Variants in PLEKHD1 observed in about 807,000 individuals in gnomAD.
PLEKHD1 encodes pleckstrin homology domain-containing family D member 1.
PLEKHD1 carries 51 observed loss-of-function variants against 69.2 expected under a neutral mutation model. The ratio of observed to expected loss-of-function variants is 0.74; its 90% CI spans 0.59 to 0.93. The LOEUF is 0.93. PLEKHD1 is among the 40% of genes least tolerant of loss of function. PLEKHD1 has a pLI of 0.00. For synonymous variants in PLEKHD1, 236 were observed against 244.7 expected, an observed-to-expected ratio of 0.96 and a Z score of 0.33; for missense variants, 584 against 641.0, an observed-to-expected ratio of 0.91 and a Z score of 0.96.
intron 6 of PLEKHD1, among the ~76,000 whole-genome samples, chr14:69,508,100 A>G (rs981282678): frequency 3.5e-4 from 53 of 152,204 alleles, no homozygotes; most frequent in Non-Finnish European, 2.5e-4. Flanking sequence ...CTTATATGCC[A>G]TCTTAAAATT....
In PLEKHD1 at chr14:69,501,785, C is replaced by T. The variant is rs972335455; in HGVS notation, c.462C>T (p.Ala154=). 3.2e-6 allele frequency: 5 copies of T among 1,551,500 alleles called. No individual in the cohort carries two copies. Among genetic ancestry groups the T allele is most frequent in the Non-Finnish European group, 4.4e-6 (5 of 1,146,878 alleles). ...LGEAMIKSLE[A]QGLQLAKEKQ... ...AAGCCATGATCAAAAGCCTGGAGGC[C>T]CAGGGGCTGCAGTTGGCTAAGGAAA... The change falls in exon 5 of 13, where the codon GCC becomes GCT. Residue 154 remains alanine, a synonymous_variant. Coordinates refer to ENST00000322564, the MANE Select transcript of PLEKHD1 (RefSeq NM_001161498.2).
the PLEKHD1 span, among the ~76,000 whole-genome samples, chr14:69,476,504 C>T: frequency 6.6e-6 from 1 of 151,936 alleles, no homozygotes; most frequent in Non-Finnish European, 1.5e-5. Flanking sequence ...GTTCCAGGCT[C>T]AGTGAACTAT....
the PLEKHD1 span, among the ~76,000 whole-genome samples, chr14:69,471,104 T>C: frequency 2.7e-5 from 3 of 109,322 alleles, no homozygotes; most frequent in African/African-American, 1.3e-4. Context: ...TTTTTTTTTT[T>C]TTTTTTTTTT....
chr14:69,509,348 T>A (rs1171715945), intron 6 of PLEKHD1, among the ~76,000 whole-genome samples: 1 of 152,224 alleles, frequency 6.6e-6, no homozygotes, highest in Non-Finnish European at 1.5e-5. Context: ...GGAATAAAAT[T>A]TTAATTTTAA....
chr14:69,501,835 AG>A lies in PLEKHD1; in HGVS notation c.502+14del. 1 of 1,547,346 alleles carries A rather than the reference AG, an allele frequency of 6.5e-7. No individual in the cohort carries two copies. Among genetic ancestry groups the A allele is most frequent in the Non-Finnish European group, 8.7e-7 (1 of 1,143,558 alleles). ...AAGCAGGAGTATTTAGGTTGGCTGG[AG>A]GGGTGGTTCCCTAATGGTAGCAGCA... On this transcript the variant is annotated intron_variant, in intron 5 of 12. Coordinates refer to ENST00000322564, the MANE Select transcript of PLEKHD1 (RefSeq NM_001161498.2).
At chr14:69,493,507 A>G (rs1882821918) in intron 1 of PLEKHD1, among the ~76,000 whole-genome samples, 1 of 152,228 alleles carries the variant, frequency 6.6e-6, no homozygotes, top group African/African-American at 2.4e-5. Flanking sequence ...GTTCACAACT[A>G]TCCTAGCTCC....
chr14:69,481,825 C>G (rs1882546408), upstream of PLEKHD1, among the ~76,000 whole-genome samples: 1 of 152,180 alleles, frequency 6.6e-6, no homozygotes, highest in South Asian at 2.1e-4. Flanking sequence ...AGTTTTCACC[C>G]CTGACTGGTC....
At position 69,485,148 on chromosome 14, in the gene PLEKHD1, G is replaced by C. The variant is rs766582652; in HGVS notation, c.149+34G>C. 41 of 1,538,034 alleles carry C rather than the reference G, an allele frequency of 2.7e-5. No homozygotes were observed. In the South Asian group the frequency reaches 2.7e-4, roughly 10 times the overall value. ...GCCCCCGCGCCCCAAGGAGACCGCC[G>C]GGGAGAGAGCCTGGGCGTCGTTACC... On this transcript the variant is annotated intron_variant, in intron 1 of 12. Transcript: ENST00000322564.
chr14:69,494,133 A>G (rs1346118617), intron 1 of PLEKHD1, among the ~76,000 whole-genome samples: 1 of 152,250 alleles, frequency 6.6e-6, no homozygotes, highest in Non-Finnish European at 1.5e-5. Context: ...TAATCATAAA[A>G]GTAATCATTT....
chr14:69,484,646 T>A, upstream of PLEKHD1: 1 of 248,006 alleles, frequency 4.0e-6, no homozygotes, highest in Non-Finnish European at 7.7e-6. Context: ...CCACCAGAAT[T>A]GGGGCTGTCG....
At chr14:69,498,057 A>ATTTTAT (rs1555337189) in intron 1 of PLEKHD1, among the ~76,000 whole-genome samples, 46 of 124,696 alleles carry the variant, frequency 3.7e-4, no homozygotes, top group East Asian at 1.3e-3. Flanking sequence ...ATTTTATTTT[A>ATTTTAT]TTTATTTTAT....
chr14:69,468,402 A>G, the PLEKHD1 span, among the ~76,000 whole-genome samples: 2 of 152,228 alleles, frequency 1.3e-5, no homozygotes, highest in African/African-American at 4.8e-5. Context: ...AGATAAATGA[A>G]TACAACTAGT....
At chr14:69,485,914 A>G (rs1882645891) in intron 1 of PLEKHD1, among the ~76,000 whole-genome samples, 1 of 152,128 alleles carries the variant, frequency 6.6e-6, no homozygotes, top group South Asian at 2.1e-4. Context: ...ATCGGTAGCC[A>G]CTCTCCACTT....
the PLEKHD1 span, among the ~76,000 whole-genome samples, chr14:69,471,502 G>A: frequency 6.6e-6 from 1 of 152,150 alleles, no homozygotes; most frequent in Non-Finnish European, 1.5e-5. Context: ...TAACTACACT[G>A]TAGAGGTCAC....
chr14:69,483,572 T>C (rs1453191158), upstream of PLEKHD1, among the ~76,000 whole-genome samples: 1 of 152,226 alleles, frequency 6.6e-6, no homozygotes, highest in African/African-American at 2.4e-5. Flanking sequence ...TTATATACCT[T>C]CATCAAAGAA....
At chr14:69,503,671 A>C (rs1443009265) in intron 6 of PLEKHD1, 1 of 140,680 alleles carries the variant, frequency 7.1e-6, no homozygotes, top group Non-Finnish European at 1.5e-5. Context: ...AGCCTGGGCG[A>C]CAGAGCGAGA....
At chr14:69,495,732 G>C (rs1288203137) in intron 1 of PLEKHD1, among the ~76,000 whole-genome samples, 1 of 152,214 alleles carries the variant, frequency 6.6e-6, no homozygotes, top group East Asian at 1.9e-4. Context: ...TGCACCTGCA[G>C]CTTCTCTGCT....
chr14:69,490,244 A>G (rs1398945431), intron 1 of PLEKHD1, among the ~76,000 whole-genome samples: 5 of 149,580 alleles, frequency 3.3e-5, no homozygotes, highest in Admixed American at 3.3e-4. Context: ...TTCCAAGGAC[A>G]GGGGTGGGTG....
intron 7 of PLEKHD1, 83 bp from the exon 8 acceptor site, chr14:69,524,146 G>A (rs1486414331): frequency 3.4e-6 from 4 of 1,167,192 alleles, no homozygotes; most frequent in Non-Finnish European, 5.0e-6. Context: ...AGGAAGTGAA[G>A]CAAAAGCATT....
Sources: allele counts gnomAD v4.1 joint callset (sites outside exome capture counted in the v4.1 genomes callset), GRCh38; gene constraint gnomAD v4.1.1; transcripts MANE v1.5; gene names NCBI Gene and HGNC (gene_info 2026-07-23, HGNC 2026-07-21).